Variants in UQCC1 observed in about 807,000 individuals in gnomAD.
UQCC1 encodes ubiquinol-cytochrome c reductase complex assembly factor 1.
A neutral mutation model predicts 48.0 loss-of-function variants in UQCC1; 38 were observed. That is an observed-to-expected ratio of 0.79 (90% CI 0.61 to 1.04). The LOEUF is 1.04. Among genes scored for constraint, UQCC1 ranks in the 50% least tolerant of loss-of-function variants. The pLI is 0.00. For synonymous variants in UQCC1, 111 were observed against 129.2 expected (o/e 0.86, Z 0.95); for missense variants, 368 against 381.8 (o/e 0.96, Z 0.30).
At chr20:35,375,104 GCTTATT>G (rs1031628595) in intron 4 of UQCC1, among the ~76,000 whole-genome samples, 12 of 152,244 alleles carry the variant, frequency 7.9e-5, no homozygotes, top group African/African-American at 2.9e-4. Flanking sequence ...GCTTCTAGAA[GCTTATT>G]TTTTCTTATA....
In UQCC1 at chr20:35,396,284, CT is replaced by C. The variant is rs34830667; in HGVS notation, c.25-2089del. On this transcript the variant is annotated intron_variant, in intron 1 of 9. Coordinates refer to ENST00000374385, the MANE Select transcript of UQCC1 (RefSeq NM_018244.5). ...ACAGATGTGAGCCACTGTGCCTGGC[CT>C]TTTTTTTTTTTTTTTTTTTTTTAAG... Among the ~76,000 whole-genome samples, 679 of 94,396 alleles carry C rather than the reference CT, an allele frequency of 7.2e-3. 4 individuals are homozygous for C. The highest frequency in any genetic ancestry group is 0.02 in the East Asian group (57 of 2,812). 61.9% of individuals were successfully genotyped at this position (94,396 alleles called of 152,430 possible). A position where few individuals can be genotyped will look rare whatever the true frequency, so the allele number is the denominator to read the frequency against.
chr20:35,327,483 G>A (rs2061207889), intron 7 of UQCC1, among the ~76,000 whole-genome samples: 1 of 152,218 alleles, frequency 6.6e-6, no homozygotes, highest in Non-Finnish European at 1.5e-5. Context: ...AAATGGTCAA[G>A]AGGTTCACAG....
chr20:35,397,564 A>C (rs183346451), intron 1 of UQCC1, among the ~76,000 whole-genome samples: 154 of 152,016 alleles, frequency 1.0e-3, no homozygotes, highest in African/African-American at 3.5e-3. Flanking sequence ...AAAACATGCC[A>C]TACTAAACAT....
chr20:35,386,015 C>T (rs997139009), intron 2 of UQCC1, among the ~76,000 whole-genome samples: 3 of 151,998 alleles, frequency 2.0e-5, no homozygotes, highest in South Asian at 2.1e-4. Flanking sequence ...ACATCATCAT[C>T]ACTCAGACTG....
chr20:35,311,369 C>T (rs1185867812), intron 8 of UQCC1, among the ~76,000 whole-genome samples: 1 of 152,138 alleles, frequency 6.6e-6, no homozygotes, highest in Non-Finnish European at 1.5e-5. Context: ...TGTAGAACAG[C>T]GCTGTCCAAT....
At chr20:35,348,940 G>A (rs79064480) in intron 6 of UQCC1, among the ~76,000 whole-genome samples, 1,949 of 152,146 alleles carry the variant, frequency 0.013, 43 homozygotes, top group African/African-American at 0.045. Flanking sequence ...CAGGTGTGAG[G>A]CACCATGCCT....
intron 2 of UQCC1, among the ~76,000 whole-genome samples, chr20:35,393,711 A>C (rs1390973055): frequency 6.6e-6 from 1 of 152,172 alleles, no homozygotes; most frequent in Non-Finnish European, 1.5e-5. Flanking sequence ...GAATACCTCA[A>C]ATAATTGTTT....
Position 35,394,059 on chromosome 20 carries a change from T to G in UQCC1, c.129+33A>C, listed in dbSNP as rs746488261. ...GACATTTGCACATAAACACTAAGGT[T>G]TTCATACTAAGCAAAAGAACAACAA... is the stretch of plus-strand genomic sequence containing the variant. On this transcript the variant is annotated intron_variant, in intron 2 of 9. Coordinates refer to ENST00000374385, the MANE Select transcript of UQCC1 (RefSeq NM_018244.5). 34 of 1,589,318 alleles carry G rather than the reference T, an allele frequency of 2.1e-5. 1 individual carries two copies. Among genetic ancestry groups the G allele is most frequent in the South Asian group, 1.7e-4 (15 of 90,544 alleles).
At chr20:35,394,244 T>A in intron 1 of UQCC1, 48 bp from the exon 2 acceptor site, 1 of 1,499,908 alleles carries the variant, frequency 6.7e-7, no homozygotes, top group Non-Finnish European at 9.3e-7. Context: ...TCATACTCCC[T>A]ACATGGAAGG....
chr20:35,319,580 G>A (rs927265272), intron 7 of UQCC1, among the ~76,000 whole-genome samples: 3 of 152,096 alleles, frequency 2.0e-5, no homozygotes, highest in Admixed American at 1.3e-4. Context: ...AAACAAACAC[G>A]AGCAGGCCAG....
rs576183630 is a variant in UQCC1, at chr20:35,376,089, A to G, written c.334-1833T>C. On this transcript the variant is annotated intron_variant, in intron 4 of 9. Transcript: ENST00000374385. Reference sequence around the variant, plus strand: ...TTGAGAGGCCAAGGCAGGAAGATCAACTGAGGTCAGGATTTCGAGACCAGC... The same window carrying G: ...TTGAGAGGCCAAGGCAGGAAGATCAGCTGAGGTCAGGATTTCGAGACCAGC... Among the ~76,000 whole-genome samples, 7 of 152,086 alleles carry G rather than the reference A, an allele frequency of 4.6e-5. No homozygotes were observed. In the East Asian group the frequency reaches 1.2e-3, roughly 25 times the overall value.
At chr20:35,352,134 T>C (rs1234258828) in intron 6 of UQCC1, among the ~76,000 whole-genome samples, 1 of 152,226 alleles carries the variant, frequency 6.6e-6, no homozygotes, top group Non-Finnish European at 1.5e-5. Context: ...AATGAAACAC[T>C]GTACCTGGAT....
At chr20:35,396,484 T>C (rs1455567104) in intron 1 of UQCC1, among the ~76,000 whole-genome samples, 1 of 151,940 alleles carries the variant, frequency 6.6e-6, no homozygotes, top group African/African-American at 2.4e-5. Flanking sequence ...TACAATGTGT[T>C]TTCATAAACA....
At chr20:35,332,328 G>C (rs2146349577) in intron 7 of UQCC1, among the ~76,000 whole-genome samples, 1 of 152,342 alleles carries the variant, frequency 6.6e-6, no homozygotes, top group Admixed American at 6.5e-5. Flanking sequence ...GGGTAAAGGA[G>C]AGCTGAAAGG....
intron 1 of UQCC1, among the ~76,000 whole-genome samples, chr20:35,407,030 A>T (rs1156419280): frequency 6.6e-6 from 1 of 152,242 alleles, no homozygotes; most frequent in Non-Finnish European, 1.5e-5. Flanking sequence ...TGGATAAAAG[A>T]CCAAAATGTA....
At chr20:35,359,671 A>G (rs2061584588) in intron 6 of UQCC1, among the ~76,000 whole-genome samples, 1 of 152,134 alleles carries the variant, frequency 6.6e-6, no homozygotes, top group African/African-American at 2.4e-5. Context: ...AAAGACTAGC[A>G]GGCACTTGGG....
intron 5 of UQCC1, among the ~76,000 whole-genome samples, chr20:35,366,960 G>C (rs972635426): frequency 6.6e-6 from 1 of 151,948 alleles, no homozygotes; most frequent in Non-Finnish European, 1.5e-5. Flanking sequence ...CAGGCGTGGT[G>C]GTGGGCGCCT....
At chr20:35,362,793 G>C (rs777388579) in intron 6 of UQCC1, among the ~76,000 whole-genome samples, 31 of 152,152 alleles carry the variant, frequency 2.0e-4, no homozygotes, top group Non-Finnish European at 4.4e-4. Context: ...AGGGAAGCTA[G>C]AGGCCAAAGA....
At chr20:35,357,473 TCACACCATTG>T (rs777436241) in intron 6 of UQCC1, among the ~76,000 whole-genome samples, 2 of 151,534 alleles carry the variant, frequency 1.3e-5, no homozygotes, top group Non-Finnish European at 2.9e-5. Flanking sequence ...TGAGCCGAGT[TCACACCATTG>T]CACTCCAGCC....
Sources: allele counts gnomAD v4.1 joint callset (sites outside exome capture counted in the v4.1 genomes callset), GRCh38; gene constraint gnomAD v4.1.1; transcripts MANE v1.5; gene names NCBI Gene and HGNC (gene_info 2026-07-23, HGNC 2026-07-21).